NKAIN2: variants seen among roughly 807,000 people sequenced by gnomAD.
NKAIN2 encodes sodium/potassium-transporting ATPase subunit beta-1-interacting protein 2.
NKAIN2 carries 14 observed loss-of-function variants against 32.6 expected under a neutral mutation model. The observed-to-expected ratio is 0.43, with a 90% CI of 0.28 to 0.67. The LOEUF (loss-of-function observed/expected upper bound fraction) is 0.67. NKAIN2 is among the 30% of genes least tolerant of loss of function. NKAIN2 has a pLI of 0.17. For synonymous variants in NKAIN2, 80 were observed against 87.2 expected (o/e 0.92, Z 0.46); for missense variants, 198 against 258.3 (o/e 0.77, Z 1.60).
intron 3 of NKAIN2, among the ~76,000 whole-genome samples, chr6:124,641,792 T>C (rs141500809): frequency 2.0e-5 from 3 of 151,938 alleles, no homozygotes; most frequent in Non-Finnish European, 4.4e-5. Context: ...ACTCCCAAGG[T>C]GATCCACCTG....
At chr6:123,969,951 A>G (rs1778261153) in intron 1 of NKAIN2, among the ~76,000 whole-genome samples, 2 of 152,242 alleles carry the variant, frequency 1.3e-5, no homozygotes, top group Admixed American at 6.5e-5. Flanking sequence ...AGTAAAATGA[A>G]TAATTCAATC....
chr6:124,619,737 T>G (rs554901921), intron 3 of NKAIN2, among the ~76,000 whole-genome samples: 1 of 152,242 alleles, frequency 6.6e-6, no homozygotes, highest in African/African-American at 2.4e-5. Context: ...AAATAATTAG[T>G]AATGTAATCA....
intron 3 of NKAIN2, among the ~76,000 whole-genome samples, chr6:124,532,894 G>C (rs1431218304): frequency 1.3e-5 from 2 of 152,162 alleles, no homozygotes; most frequent in African/African-American, 2.4e-5. Flanking sequence ...CTCTCCAGTA[G>C]AGTCTGGAAA....
intron 3 of NKAIN2, among the ~76,000 whole-genome samples, chr6:124,466,483 G>A (rs1776760405): frequency 6.6e-6 from 1 of 152,010 alleles, no homozygotes; most frequent in Non-Finnish European, 1.5e-5. Flanking sequence ...CTTCTTTTCT[G>A]TTGTTCTTTC....
intron 3 of NKAIN2, among the ~76,000 whole-genome samples, chr6:124,446,324 A>C (rs1460836903): frequency 1.6e-5 from 2 of 128,030 alleles, no homozygotes; most frequent in African/African-American, 5.1e-5. Flanking sequence ...TATAATTGCA[A>C]AATATATAAG....
intron 2 of NKAIN2, among the ~76,000 whole-genome samples, chr6:124,308,148 C>G (rs1380978431): frequency 2.0e-5 from 3 of 151,950 alleles, no homozygotes; most frequent in Admixed American, 2.0e-4. Context: ...CTTTGCCCCC[C>G]ACCCCGCAGC....
intron 3 of NKAIN2, among the ~76,000 whole-genome samples, chr6:124,428,107 C>G (rs1775059599): frequency 6.6e-6 from 1 of 151,976 alleles, no homozygotes; most frequent in South Asian, 2.1e-4. Context: ...CCATGAATAA[C>G]TAAAAAAATA....
intron 2 of NKAIN2, among the ~76,000 whole-genome samples, chr6:124,301,390 G>C (rs1044142233): frequency 1.3e-5 from 2 of 152,182 alleles, no homozygotes; most frequent in Non-Finnish European, 2.9e-5. Flanking sequence ...CCTCTGCTAG[G>C]GCAGTGCAGA....
chr6:124,507,797 A>G lies in NKAIN2; in HGVS notation c.274-150389A>G, dbSNP rs75527793. 3.5e-3 allele frequency among the ~76,000 whole-genome samples: 531 copies of G among 152,270 alleles called. 1 individual carries two copies. The highest frequency in any genetic ancestry group is 5.4e-3 in the Non-Finnish European group (369 of 68,012). On this transcript the variant is annotated intron_variant, in intron 3 of 6. Coordinates refer to ENST00000368417, the MANE Select transcript of NKAIN2 (RefSeq NM_001040214.3). ...GTTGAGTCCCTGCATTCAGCATGGTACCAAACCCGGGGACATAATAGAAAG... is the reference window on the plus strand; with the variant it reads ...GTTGAGTCCCTGCATTCAGCATGGTGCCAAACCCGGGGACATAATAGAAAG...
At chr6:124,390,103 C>T (rs1773079063) in intron 3 of NKAIN2, among the ~76,000 whole-genome samples, 2 of 152,142 alleles carry the variant, frequency 1.3e-5, no homozygotes, top group Non-Finnish European at 2.9e-5. Flanking sequence ...TTCGTCTTTG[C>T]TGCCAGTGCA....
chr6:124,805,683 C>CAA (rs1305895577), intron 5 of NKAIN2, among the ~76,000 whole-genome samples: 1 of 151,966 alleles, frequency 6.6e-6, no homozygotes, highest in Non-Finnish European at 1.5e-5. Flanking sequence ...TTCAGATGAT[C>CAA]AAACTACGAG....
At position 124,760,508 on chromosome 6, in the gene NKAIN2, C is replaced by T. The variant is rs186887637; in HGVS notation, c.475-30831C>T. 1.2e-4 allele frequency among the ~76,000 whole-genome samples: 18 copies of T among 152,002 alleles called. No homozygotes were observed. In the East Asian group the frequency reaches 2.7e-3, roughly 23 times the overall value. On this transcript the variant is annotated intron_variant, in intron 4 of 6. Coordinates refer to ENST00000368417, the MANE Select transcript of NKAIN2 (RefSeq NM_001040214.3). ...AATAAATTTAAAAAAAGCTTCCAGGCGCTTCCAGAACAATCTTTCCTCAGT... is the reference window on the plus strand; with the variant it reads ...AATAAATTTAAAAAAAGCTTCCAGGTGCTTCCAGAACAATCTTTCCTCAGT...
intron 1 of NKAIN2, among the ~76,000 whole-genome samples, chr6:123,820,658 T>C (rs1232233371): frequency 6.6e-6 from 1 of 152,184 alleles, no homozygotes. Context: ...CTGTACATCA[T>C]GAGTGGAGAT....
At chr6:124,259,507 G>A (rs1307515068) in intron 1 of NKAIN2, among the ~76,000 whole-genome samples, 1 of 152,034 alleles carries the variant, frequency 6.6e-6, no homozygotes, top group African/African-American at 2.4e-5. Flanking sequence ...AGTTCTATGG[G>A]CCAGTTTCAA....
chr6:124,329,538 C>T (rs1229050406), intron 2 of NKAIN2, among the ~76,000 whole-genome samples: 1 of 152,178 alleles, frequency 6.6e-6, no homozygotes, highest in Non-Finnish European at 1.5e-5. Flanking sequence ...ACAAATTCCC[C>T]CAAGATTGTC....
intron 4 of NKAIN2, among the ~76,000 whole-genome samples, chr6:124,693,192 G>A (rs1403696779): frequency 6.6e-6 from 1 of 152,104 alleles, no homozygotes; most frequent in East Asian, 1.9e-4. Context: ...TACAATGTTG[G>A]TCCCATAGAT....
intron 2 of NKAIN2, among the ~76,000 whole-genome samples, chr6:124,330,940 A>T (rs1456323296): frequency 6.6e-6 from 1 of 152,116 alleles, no homozygotes; most frequent in African/African-American, 2.4e-5. Context: ...ATGGCTGATG[A>T]TCTGAGGCGG....
At chr6:124,236,573 A>C (rs1446821913) in intron 1 of NKAIN2, among the ~76,000 whole-genome samples, 1 of 152,192 alleles carries the variant, frequency 6.6e-6, no homozygotes, top group East Asian at 1.9e-4. Flanking sequence ...ATGAGGCCAG[A>C]ACAGTAAATT....
intron 3 of NKAIN2, among the ~76,000 whole-genome samples, chr6:124,646,868 T>G (rs1221189782): frequency 6.6e-6 from 1 of 152,002 alleles, no homozygotes; most frequent in Admixed American, 6.6e-5. Context: ...GAAGAATTGC[T>G]TGAAGTTGGG....
Sources: gnomAD v4.1 joint callset for allele counts (sites outside exome capture counted in the v4.1 genomes callset) on GRCh38, gnomAD v4.1.1 for gene constraint, MANE v1.5 for transcripts, NCBI Gene and HGNC (gene_info 2026-07-23, HGNC 2026-07-21) for gene names.